Variants in ZMYM6 observed in about 807,000 individuals in gnomAD.
The protein encoded by ZMYM6 is zinc finger MYM-type protein 6.
ZMYM6 carries 90 observed loss-of-function variants against 134.0 expected under a neutral mutation model. The ratio of observed to expected loss-of-function variants is 0.67; its 90% CI spans 0.57 to 0.80. ZMYM6 has a LOEUF of 0.80. ZMYM6 is among the 30% of genes least tolerant of loss of function. The probability of loss-of-function intolerance (pLI) is 0.00; values close to 1 mark genes in which losing one functional copy is unlikely to be tolerated. For missense variants in ZMYM6, 1,362 were observed against 1,533.9 expected (o/e 0.89, Z 1.87); for synonymous variants, 481 against 524.1 (o/e 0.92, Z 1.12).
intron 6 of ZMYM6, chr1:35,013,428 C>T (rs943221922): frequency 1.8e-5 from 18 of 983,906 alleles, no homozygotes; most frequent in Non-Finnish European, 1.9e-5. Flanking sequence ...ACATAATCTT[C>T]CTAGTAAAAA....
Position 35,019,607 on chromosome 1 carries a change from C to G in ZMYM6, c.179-5G>C, listed in dbSNP as rs141291739. On this transcript the variant is annotated splice_region_variant and splice_polypyrimidine_tract_variant and intron_variant, in intron 3 of 15. Transcript: ENST00000357182. Reference sequence around the variant, plus strand: ...AGCCTGGGTTCAACTGCTGGGCTATCAAAACAAAATAAAAAAAGTTTTAGT... The same window carrying G: ...AGCCTGGGTTCAACTGCTGGGCTATGAAAACAAAATAAAAAAAGTTTTAGT... 5.9e-4 allele frequency: 928 copies of G among 1,575,590 alleles called. 3 individuals carry two copies. In the African/African-American group the frequency reaches 0.01, roughly 18 times the overall value.
intron 15 of ZMYM6, 87 bp from the exon 16 acceptor site, chr1:34,989,022 T>C (rs764152803): frequency 6.6e-7 from 1 of 1,522,250 alleles, no homozygotes; most frequent in South Asian, 1.3e-5. Flanking sequence ...AAAATTCATA[T>C]TTTGTTACTA....
At position 34,988,280 on chromosome 1, in the gene ZMYM6, A is replaced by G. The variant is rs1355201934; in HGVS notation, c.2802T>C (p.Asp934=). 3 of 1,550,840 alleles carry G rather than the reference A, an allele frequency of 1.9e-6. No individual in the cohort carries two copies. The highest frequency in any genetic ancestry group is 1.7e-6 in the Non-Finnish European group (2 of 1,146,450). ...ATAATTCTTCTTTTACATCACGACA[A>G]TCATAATCAATGAAACGAATATAGC... ...LLCYIRFIDY[D]CRDVKEELLF... The change falls in exon 16 of 16, where the codon GAT becomes GAC. Residue 934 remains aspartate (D), a synonymous_variant. Transcript: ENST00000357182.
rs140612811 is a variant in ZMYM6 at position 35,005,545 on chromosome 1, C to T, written c.1814-273G>A. ...ATACAGTGGCACCAGCCTGTAATCC[C>T]AGCTACTTGGGAGGCTGAAACAGGG... On this transcript the variant is annotated intron_variant, in intron 12 of 15. Transcript: ENST00000357182. Among the ~76,000 whole-genome samples, 782 of 149,880 alleles carry T rather than the reference C, an allele frequency of 5.2e-3. 8 individuals are homozygous for T. The highest frequency in any genetic ancestry group is 0.017 in the African/African-American group (700 of 40,354).
rs776789207 is a variant in ZMYM6 at position 34,987,078 on chromosome 1, T to C, written c.*26A>G. 1 of 1,439,388 alleles carries C rather than the reference T, an allele frequency of 6.9e-7. No individual in the cohort carries two copies. The allele number at this position is 1,439,388 out of a possible 1,614,324, so 89.2% of individuals were successfully genotyped here. On this transcript the variant is annotated 3_prime_UTR_variant, in exon 16 of 16. Coordinates refer to ENST00000357182, the MANE Select transcript of ZMYM6 (RefSeq NM_007167.4). ...CAAAACTTAACACAGGATTATTGAC[T>C]TCACTGTTAAGCAATGTGCATATTG...
intron 2 of ZMYM6, among the ~76,000 whole-genome samples, chr1:35,021,304 C>T (rs1229719731): frequency 2.0e-5 from 3 of 151,614 alleles, no homozygotes; most frequent in African/African-American, 4.8e-5. Flanking sequence ...CCACACCCGG[C>T]GAATTTTTGT....
chr1:35,016,020 T>A (rs1173371538), intron 4 of ZMYM6, among the ~76,000 whole-genome samples: 1 of 148,844 alleles, frequency 6.7e-6, no homozygotes, highest in African/African-American at 2.5e-5. Context: ...CGATCTCGGC[T>A]CACTGCAATC....
chr1:35,006,234 C>T (rs2148450608), intron 12 of ZMYM6, among the ~76,000 whole-genome samples: 1 of 152,334 alleles, frequency 6.6e-6, no homozygotes, highest in Non-Finnish European at 1.5e-5. Context: ...TCTCGAACTC[C>T]TGGCCTCAAG....
intron 14 of ZMYM6, among the ~76,000 whole-genome samples, chr1:35,003,653 C>T (rs905766914): frequency 7.9e-5 from 12 of 152,198 alleles, no homozygotes; most frequent in African/African-American, 2.7e-4. Flanking sequence ...TGCATTCTTA[C>T]TAATGATCTA....
At chr1:35,012,836 G>GA (rs1226497771) in intron 6 of ZMYM6, 4 of 985,190 alleles carry the variant, frequency 4.1e-6, no homozygotes, top group Non-Finnish European at 4.8e-6. Flanking sequence ...CACAAGTAAT[G>GA]AATTAAATAG....
chr1:34,995,027 A>T, intron 14 of ZMYM6, among the ~76,000 whole-genome samples: 1 of 109,056 alleles, frequency 9.2e-6, no homozygotes, highest in East Asian at 2.7e-4. Context: ...ACATACGTAT[A>T]TATATGTAAT....
Position 34,987,398 on chromosome 1 carries a change from G to T in ZMYM6, c.3684C>A (p.Thr1228=), listed in dbSNP as rs61744849. ...CTGTTAGCTTTTCTTCTTCGAAGTC[G>T]GTGAGATTATTATTTTGGTGATTCA... is the stretch of plus-strand genomic sequence containing the variant. ...PFMNHQNNNL[T]DFEEEKLTEL... is the part of the protein sequence containing the mutation. Residue 1228 remains threonine, a synonymous_variant, in exon 16 of 16, where the codon ACC becomes ACA. Transcript: ENST00000357182. The T allele has an allele frequency of 6.2e-7, 1 of 1,613,918 alleles. No homozygotes were observed. The highest frequency in any genetic ancestry group is 8.5e-7 in the Non-Finnish European group (1 of 1,179,972).
rs766176741 is a variant in ZMYM6, at chr1:35,015,157, A to G, written c.434T>C (p.Ile145Thr). 6.3e-7 allele frequency: 1 copy of G among 1,587,484 alleles called. No individual in the cohort carries two copies. The highest frequency in any genetic ancestry group is 2.2e-5 in the East Asian group (1 of 44,740). Residue 145 changes from isoleucine to threonine, a missense_variant, in exon 5 of 16, where the codon ATT becomes ACT. This residue lies in a region of ZMYM6 where 503 missense variants were observed against 520.8 expected (regional missense o/e 0.97). Coordinates refer to ENST00000357182, the MANE Select transcript of ZMYM6 (RefSeq NM_007167.4). Reference sequence around the variant, plus strand: ...TGTGATCACATCCTTAGGATTTAAAATGTCTCTAAAAATAAATAACAAAGG... The same window carrying G: ...TGTGATCACATCCTTAGGATTTAAAGTGTCTCTAAAAATAAATAACAAAGG... ...KKTCTNCSKD[I>T]LNPKDVITTR...
At chr1:34,990,744 A>C (rs1353922688) in intron 15 of ZMYM6, among the ~76,000 whole-genome samples, 2 of 152,254 alleles carry the variant, frequency 1.3e-5, no homozygotes, top group Non-Finnish European at 2.9e-5. Flanking sequence ...AAATAAACAT[A>C]ATAAAATAAA....
intron 14 of ZMYM6, chr1:35,003,758 ACAT>A: frequency 2.0e-6 from 1 of 508,920 alleles, no homozygotes; most frequent in South Asian, 2.4e-5. Context: ...ATCCACATTT[ACAT>A]CATCTTCAAA....
intron 14 of ZMYM6, among the ~76,000 whole-genome samples, chr1:35,002,937 T>C (rs72657963): frequency 0.034 from 5,011 of 146,526 alleles, 118 homozygotes; most frequent in Non-Finnish European, 0.047. Flanking sequence ...GCTTGGGAGG[T>C]TGAGGCGGGA....
intron 2 of ZMYM6, among the ~76,000 whole-genome samples, chr1:35,028,559 G>A (rs1265349885): frequency 6.6e-6 from 1 of 151,034 alleles, no homozygotes; most frequent in Non-Finnish European, 1.5e-5. Context: ...GAGTGCAGTG[G>A]CGCAATCTTG....
Position 34,988,177 on chromosome 1 carries a change from A to T in ZMYM6, c.2905T>A (p.Ser969Thr). Residue 969 changes from serine to threonine, a missense_variant, in exon 16 of 16, where the codon TCT becomes ACT. Physicochemically the swap from Ser to Thr is moderately conservative, Grantham distance 58. Around this residue, in one of 3 missense-constraint regions of ZMYM6, gnomAD observed 824 missense variants for 940.9 expected, o/e 0.88. Coordinates refer to ENST00000357182, the MANE Select transcript of ZMYM6 (RefSeq NM_007167.4). ...ELINKYIDSK[S>T]LNWKHCVGLC... The stretch of plus-strand genomic sequence containing the variant: ...CCAACACAATGTTTCCAATTCAGAG[A>T]TTTACTATCAATATATTTATTTATT... 1.3e-6 allele frequency: 2 copies of T among 1,549,286 alleles called. No individual in the cohort carries two copies. Among genetic ancestry groups the T allele is most frequent in the South Asian group, 2.4e-5 (2 of 83,460 alleles).
chr1:35,019,129 A>G, intron 4 of ZMYM6: 1 of 616,794 alleles, frequency 1.6e-6, no homozygotes, highest in Non-Finnish European at 2.8e-6. Context: ...TTCTTTCCAT[A>G]GTAAAATTTA....
Sources: allele counts gnomAD v4.1 joint callset (sites outside exome capture counted in the v4.1 genomes callset), GRCh38; gene constraint gnomAD v4.1.1; regional missense constraint gnomAD v4.1.1; transcripts MANE v1.5; gene names NCBI Gene and HGNC (gene_info 2026-07-23, HGNC 2026-07-21).